The following RABGAP1L variants were observed in gnomAD, a reference collection of about 807,000 sequenced individuals.
The protein encoded by RABGAP1L is rab GTPase-activating protein 1-like.
A neutral mutation model predicts 137.7 loss-of-function variants in RABGAP1L; 63 were observed. The ratio of observed to expected loss-of-function variants is 0.46; its 90% CI spans 0.37 to 0.56. The LOEUF is 0.56. RABGAP1L is among the 20% of genes least tolerant of loss of function. RABGAP1L has a pLI of 0.00. For missense variants in RABGAP1L, 1,095 were observed against 1,244.0 expected (o/e 0.88, Z 1.80); for synonymous variants, 431 against 433.7 (o/e 0.99, Z 0.08).
intron 15 of RABGAP1L, among the ~76,000 whole-genome samples, chr1:174,693,146 C>T (rs532856187): frequency 1.3e-5 from 2 of 152,274 alleles, no homozygotes; most frequent in Admixed American, 6.5e-5. Flanking sequence ...AGTTGTCCCT[C>T]AGTATTGGGA....
chr1:174,648,278 T>C (rs1557947237), intron 14 of RABGAP1L, among the ~76,000 whole-genome samples: 1 of 152,148 alleles, frequency 6.6e-6, no homozygotes, highest in Admixed American at 6.5e-5. Flanking sequence ...GCTTCCCTAG[T>C]TCTTTTAATT....
chr1:174,324,360 T>G (rs1011092886), intron 11 of RABGAP1L, among the ~76,000 whole-genome samples: 1 of 152,198 alleles, frequency 6.6e-6, no homozygotes, highest in East Asian at 1.9e-4. Context: ...AAGGTTATAA[T>G]GCAATTTTTG....
At chr1:174,768,918 G>A (rs977427339) in intron 18 of RABGAP1L, among the ~76,000 whole-genome samples, 3 of 152,156 alleles carry the variant, frequency 2.0e-5, no homozygotes, top group African/African-American at 7.2e-5. Context: ...AATGTTGAAT[G>A]GAAGTGGCAA....
intron 20 of RABGAP1L, among the ~76,000 whole-genome samples, chr1:174,963,474 T>C (rs928907491): frequency 7.2e-5 from 11 of 152,144 alleles, no homozygotes; most frequent in Admixed American, 5.9e-4. Context: ...TTAGGAACAC[T>C]AAGAATTTCT....
At chr1:174,678,775 C>T (rs181240745) in intron 14 of RABGAP1L, among the ~76,000 whole-genome samples, 199 of 152,260 alleles carry the variant, frequency 1.3e-3, no homozygotes, top group South Asian at 3.5e-3. Context: ...TATTCAGCTC[C>T]ATTAGAATGA....
At chr1:174,887,616 G>T (rs527560316) in intron 19 of RABGAP1L, among the ~76,000 whole-genome samples, 2 of 152,122 alleles carry the variant, frequency 1.3e-5, no homozygotes, top group Non-Finnish European at 2.9e-5. Flanking sequence ...AAAACTTGGG[G>T]GGGGGGTCAT....
intron 14 of RABGAP1L, among the ~76,000 whole-genome samples, chr1:174,670,604 C>A (rs1335323097): frequency 1.3e-5 from 2 of 152,028 alleles, no homozygotes; most frequent in Non-Finnish European, 2.9e-5. Flanking sequence ...TCCATGAATT[C>A]AGTTGTTTTG....
chr1:174,257,205 AT>A (rs1402149438), intron 7 of RABGAP1L, among the ~76,000 whole-genome samples: 2 of 152,162 alleles, frequency 1.3e-5, no homozygotes, highest in Non-Finnish European at 2.9e-5. Flanking sequence ...GCATCTTTCA[AT>A]TTAAAAAGTC....
intron 13 of RABGAP1L, among the ~76,000 whole-genome samples, chr1:174,498,642 G>T (rs562035949): frequency 2.0e-5 from 3 of 150,608 alleles, no homozygotes; most frequent in Non-Finnish European, 4.4e-5. Flanking sequence ...GATTACAGGC[G>T]CATGCCACCA....
chr1:174,222,143 C>G (rs528621057), intron 3 of RABGAP1L, among the ~76,000 whole-genome samples: 1 of 151,930 alleles, frequency 6.6e-6, no homozygotes, highest in East Asian at 1.9e-4. Flanking sequence ...GCCTGTTTTA[C>G]GGATTAAATA....
chr1:174,575,761 T>G (rs796388627), intron 13 of RABGAP1L, among the ~76,000 whole-genome samples: 18 of 152,302 alleles, frequency 1.2e-4, no homozygotes, highest in African/African-American at 4.3e-4. Context: ...CTCTCTTTCT[T>G]TTCCCAGGCA....
chr1:174,476,943 C>A (rs180866013), intron 13 of RABGAP1L, among the ~76,000 whole-genome samples: 1 of 152,196 alleles, frequency 6.6e-6, no homozygotes, highest in East Asian at 1.9e-4. Flanking sequence ...TGGCAGAAGA[C>A]GTTCATGTGT....
At chr1:174,360,599 C>T (rs555646694) in intron 11 of RABGAP1L, among the ~76,000 whole-genome samples, 1 of 152,040 alleles carries the variant, frequency 6.6e-6, no homozygotes, top group South Asian at 2.1e-4. Context: ...TCAAAATGAC[C>T]CAACATATAA....
chr1:174,901,052 G>C (rs1024688753), intron 19 of RABGAP1L, among the ~76,000 whole-genome samples: 3 of 151,924 alleles, frequency 2.0e-5, no homozygotes, highest in Non-Finnish European at 2.9e-5. Flanking sequence ...TAGTCTTCAA[G>C]CTCTGAAATT....
chr1:174,839,849 A>AT (rs1558134465), intron 19 of RABGAP1L, among the ~76,000 whole-genome samples: 1 of 152,136 alleles, frequency 6.6e-6, no homozygotes, highest in African/African-American at 2.4e-5. Context: ...TGGTAAAAAT[A>AT]TTTTTTCAGG....
chr1:174,403,794 C>A (rs1571639054), intron 13 of RABGAP1L, among the ~76,000 whole-genome samples: 1 of 143,116 alleles, frequency 7.0e-6, no homozygotes. Flanking sequence ...TTGTATTTTT[C>A]TGGTTTGGGA....
chr1:174,246,986 C>G (rs1267768016), intron 5 of RABGAP1L, among the ~76,000 whole-genome samples: 1 of 152,160 alleles, frequency 6.6e-6, no homozygotes, highest in Non-Finnish European at 1.5e-5. Flanking sequence ...AATTAATGTA[C>G]TGTCGTGTTC....
At chr1:174,348,831 A>G (rs1254797986) in intron 11 of RABGAP1L, among the ~76,000 whole-genome samples, 1 of 152,046 alleles carries the variant, frequency 6.6e-6, no homozygotes, top group African/African-American at 2.4e-5. Flanking sequence ...AGTGCAGAAC[A>G]AAATGAAAAG....
At chr1:174,170,671 CAAAAAAA>C (rs35800051) in intron 1 of RABGAP1L, among the ~76,000 whole-genome samples, 4 of 85,360 alleles carry the variant, frequency 4.7e-5, no homozygotes, top group Admixed American at 2.8e-4. Context: ...GACGCTGTTT[CAAAAAAA>C]AAAAAAAAAA....
Sources: allele counts gnomAD v4.1 joint callset (sites outside exome capture counted in the v4.1 genomes callset), GRCh38; gene constraint gnomAD v4.1.1; transcripts MANE v1.5; gene names NCBI Gene and HGNC (gene_info 2026-07-23, HGNC 2026-07-21).